LRP4: variants seen among roughly 807,000 people sequenced by gnomAD.
LRP4 encodes the protein LDL receptor related protein 4, also known as low-density lipoprotein receptor-related protein 4.
In LRP4, 95 loss-of-function variants were observed where a neutral mutation model predicts 220.3. The ratio of observed to expected loss-of-function variants is 0.43; its 90% CI spans 0.37 to 0.51. The LOEUF is 0.51. Ranked by LOEUF, LRP4 falls within the 20% of genes least tolerant of loss-of-function variation. LRP4 has a pLI of 0.00. For synonymous variants in LRP4, 903 were observed against 954.6 expected, an observed-to-expected ratio of 0.95 and a Z score of 1.00; for missense variants, 1,925 against 2,567.0, an observed-to-expected ratio of 0.75 and a Z score of 5.40.
At chr11:46,901,079 A>G (rs1941656871) in intron 2 of LRP4, among the ~76,000 whole-genome samples, 1 of 152,164 alleles carries the variant, frequency 6.6e-6, no homozygotes, top group Non-Finnish European at 1.5e-5. Context: ...TACAGGCGTG[A>G]GCCACCACAC....
intron 1 of LRP4, among the ~76,000 whole-genome samples, chr11:46,912,683 C>T (rs894408774): frequency 6.6e-6 from 1 of 152,152 alleles, no homozygotes. Flanking sequence ...GTGGAGCTGC[C>T]GAGCTTGGAG....
At chr11:46,897,850 G>A (rs1323667331) in intron 7 of LRP4, among the ~76,000 whole-genome samples, 2 of 152,086 alleles carry the variant, frequency 1.3e-5, no homozygotes, top group African/African-American at 4.8e-5. Context: ...CCACAAAACC[G>A]CCATTGTCAT....
rs907120582 is a variant in LRP4, at chr11:46,858,840, C to T, written c.*143G>A. The T allele has an allele frequency of 2.9e-5, 23 of 788,414 alleles. No homozygotes were observed. The highest frequency in any genetic ancestry group is 2.7e-4 in the African/African-American group (16 of 59,076). The allele number at this position is 788,414 out of a possible 1,614,324, so 48.8% of individuals were successfully genotyped here. On this transcript the variant is annotated 3_prime_UTR_variant, in exon 38 of 38. Transcript: ENST00000378623. ...TATGGACTCACGTGGTAAACAGCTC[C>T]GGTGAAGGCTTAGGAACAGTTATGG...
Position 46,861,523 on chromosome 11 carries a change from CTTTTTTTTT to C in LRP4, c.5385+1074_5385+1082del, listed in dbSNP as rs576719115. 3.1e-4 allele frequency among the ~76,000 whole-genome samples: 26 copies of C among 83,488 alleles called. 1 individual carries two copies. The highest frequency in any genetic ancestry group is 1.7e-3 in the Admixed American group (10 of 5,822). The allele number at this position is 83,488 out of a possible 152,430, so 54.8% of individuals were successfully genotyped here. ...AGTTAGTTTCCTTGTGGAAATGGGA[CTTTTTTTTT>C]TTTTTTTTTTTTTGAGACAGGGTCT... On this transcript the variant is annotated intron_variant, in intron 37 of 37. Transcript: ENST00000378623.
intron 20 of LRP4, among the ~76,000 whole-genome samples, chr11:46,880,473 C>T (rs1346607306): frequency 6.6e-6 from 1 of 151,996 alleles, no homozygotes; most frequent in Non-Finnish European, 1.5e-5. Flanking sequence ...GGCCTCAAAC[C>T]CGTAGGCTCC....
intron 28 of LRP4, 97 bp downstream of exon 28, chr11:46,874,703 C>T: frequency 9.6e-7 from 1 of 1,039,802 alleles, no homozygotes; most frequent in South Asian, 1.3e-5. Flanking sequence ...ATCCAAAGTG[C>T]CAAATCACTC....
intron 1 of LRP4, among the ~76,000 whole-genome samples, chr11:46,910,603 T>G (rs529452884): frequency 1.1e-4 from 16 of 151,888 alleles, no homozygotes; most frequent in African/African-American, 3.4e-4. Flanking sequence ...GTTGGTGGCA[T>G]GAATAACTGC....
At chr11:46,907,524 A>G (rs887653098) in intron 1 of LRP4, among the ~76,000 whole-genome samples, 1 of 152,184 alleles carries the variant, frequency 6.6e-6, no homozygotes, top group Non-Finnish European at 1.5e-5. Flanking sequence ...ACTTCCTTAA[A>G]ACATGAGATT....
chr11:46,871,966 G>C (rs1200017775), intron 30 of LRP4, among the ~76,000 whole-genome samples: 1 of 152,118 alleles, frequency 6.6e-6, no homozygotes, highest in Non-Finnish European at 1.5e-5. Context: ...TTTAAGAAGA[G>C]AGCTCACTCG....
At chr11:46,889,169 G>A (rs1266885410) in intron 16 of LRP4, among the ~76,000 whole-genome samples, 1 of 152,172 alleles carries the variant, frequency 6.6e-6, no homozygotes, top group Non-Finnish European at 1.5e-5. Flanking sequence ...TGATACATGA[G>A]CCTCACTGCA....
chr11:46,915,407 G>A (rs1941932844), intron 1 of LRP4, among the ~76,000 whole-genome samples: 1 of 152,162 alleles, frequency 6.6e-6, no homozygotes, highest in South Asian at 2.1e-4. Context: ...ACTTCAGGAT[G>A]AAAATCACTC....
At chr11:46,896,751 C>T in intron 8 of LRP4, 118 bp downstream of exon 8, 1 of 1,497,982 alleles carries the variant, frequency 6.7e-7, no homozygotes, top group Non-Finnish European at 9.2e-7. Flanking sequence ...CAATGATGCA[C>T]CTGGATTTTA....
intron 37 of LRP4, among the ~76,000 whole-genome samples, chr11:46,861,425 G>A (rs1189030308): frequency 6.7e-6 from 1 of 150,248 alleles, no homozygotes; most frequent in East Asian, 2.0e-4. Context: ...AATAACTTCT[G>A]ATGAAGAGTT....
intron 16 of LRP4, among the ~76,000 whole-genome samples, chr11:46,888,573 A>AAAAAAAAAAAAT (rs1565792099): frequency 6.7e-6 from 1 of 150,104 alleles, no homozygotes; most frequent in Non-Finnish European, 1.5e-5. Context: ...AAAAAAAAAA[A>AAAAAAAAAAAAT]GAATGCAAGG....
At chr11:46,868,170 G>A in intron 33 of LRP4, 56 bp from the exon 34 acceptor site, 10 of 1,607,540 alleles carry the variant, frequency 6.2e-6, no homozygotes, top group Non-Finnish European at 6.8e-6. Context: ...TCTACATATG[G>A]CCCAAGAGTA....
intron 33 of LRP4, 100 bp downstream of exon 33, chr11:46,868,500 T>C: frequency 1.1e-6 from 1 of 895,614 alleles, no homozygotes; most frequent in Non-Finnish European, 1.9e-6. Context: ...TTTATGGGGA[T>C]CCCACCCAGA....
At chr11:46,895,126 C>T (rs370938276) in intron 11 of LRP4, 40 bp downstream of exon 11, 57 of 1,612,142 alleles carry the variant, frequency 3.5e-5, no homozygotes, top group South Asian at 2.7e-4. Flanking sequence ...CCTCCATGCT[C>T]GGCCCTCTGC....
intron 36 of LRP4, among the ~76,000 whole-genome samples, chr11:46,863,823 G>A (rs1940624333): frequency 6.6e-6 from 1 of 152,024 alleles, no homozygotes; most frequent in South Asian, 2.1e-4. Flanking sequence ...TCTGTAAAGT[G>A]AGGAATAATA....
At chr11:46,897,902 C>T (rs1358590888) in intron 7 of LRP4, among the ~76,000 whole-genome samples, 122 of 143,678 alleles carry the variant, frequency 8.5e-4, no homozygotes, top group Non-Finnish European at 1.1e-3. Flanking sequence ...ACCTCCCAGA[C>T]GGGGTGGTGG....
Sources: gnomAD v4.1 joint callset for allele counts (sites outside exome capture counted in the v4.1 genomes callset) on GRCh38, gnomAD v4.1.1 for gene constraint, MANE v1.5 for transcripts, NCBI Gene and HGNC (gene_info 2026-07-23, HGNC 2026-07-21) for gene names.